Variants in THRB observed in about 807,000 individuals in gnomAD.
THRB encodes the protein nuclear receptor subfamily 1 group A member 2.
THRB carries 12 observed loss-of-function variants against 47.8 expected under a neutral mutation model. The observed-to-expected ratio is 0.25, with a 90% confidence interval of 0.16 to 0.41. The LOEUF (loss-of-function observed/expected upper bound fraction) is 0.41. THRB is among the 10% of genes least tolerant of loss of function. The probability of loss-of-function intolerance (pLI) is 1.00; values close to 1 mark genes in which losing one functional copy is unlikely to be tolerated. For missense variants in THRB, 348 were observed against 589.2 expected, an observed-to-expected ratio of 0.59 and a Z score of 4.24; for synonymous variants, 218 against 212.2, an observed-to-expected ratio of 1.03 and a Z score of -0.24.
chr3:24,353,081 C>T (rs1021033140), intron 1 of THRB, among the ~76,000 whole-genome samples: 8 of 151,728 alleles, frequency 5.3e-5, no homozygotes, highest in Non-Finnish European at 1.2e-4. Flanking sequence ...AGACTGAACA[C>T]AAGAGTGAAT....
At chr3:24,284,680 C>T (rs951939340) in intron 3 of THRB, among the ~76,000 whole-genome samples, 2 of 149,318 alleles carry the variant, frequency 1.3e-5, no homozygotes, top group Non-Finnish European at 2.9e-5. Flanking sequence ...GCAACCTACT[C>T]ATCTGACAAA....
At chr3:24,431,652 A>G (rs2070436831) in intron 1 of THRB, among the ~76,000 whole-genome samples, 1 of 152,132 alleles carries the variant, frequency 6.6e-6, no homozygotes, top group East Asian at 1.9e-4. Context: ...TTAACTCAAC[A>G]TGAACCAAAG....
At chr3:24,165,521 A>T (rs2149290516) in intron 5 of THRB, 1 of 579,086 alleles carries the variant, frequency 1.7e-6, no homozygotes, top group African/African-American at 1.9e-5. Context: ...ACAGCAACCC[A>T]GCCTGCTTTA....
At chr3:24,348,511 A>G (rs1470169263) in intron 1 of THRB, 1 of 152,144 alleles carries the variant, frequency 6.6e-6, no homozygotes, top group African/African-American at 2.4e-5. Context: ...CACAGTTTGT[A>G]GGTCCTCACT....
At chr3:24,341,417 A>C (rs2149461736) in intron 1 of THRB, among the ~76,000 whole-genome samples, 1 of 151,746 alleles carries the variant, frequency 6.6e-6, no homozygotes, top group Admixed American at 6.6e-5. Context: ...TTTTGTAGAG[A>C]TGGGGTTTTG....
intron 1 of THRB, among the ~76,000 whole-genome samples, chr3:24,474,522 A>G (rs907226089): frequency 6.6e-6 from 1 of 152,198 alleles, no homozygotes. Flanking sequence ...AGTTGGCATA[A>G]AACTATTTGC....
At chr3:24,416,340 T>C (rs1435522048) in intron 1 of THRB, among the ~76,000 whole-genome samples, 1 of 151,670 alleles carries the variant, frequency 6.6e-6, no homozygotes, top group Non-Finnish European at 1.5e-5. Context: ...CAGGGCAATA[T>C]GTGTAAATGG....
intron 3 of THRB, among the ~76,000 whole-genome samples, chr3:24,252,028 G>C (rs956792790): frequency 1.3e-4 from 20 of 152,222 alleles, no homozygotes; most frequent in African/African-American, 4.6e-4. Flanking sequence ...CTGCTAATCA[G>C]AGTAATAAGT....
intron 1 of THRB, among the ~76,000 whole-genome samples, chr3:24,363,374 A>G (rs2149671641): frequency 6.6e-6 from 1 of 152,278 alleles, no homozygotes; most frequent in East Asian, 1.9e-4. Context: ...TCATCCAAGA[A>G]TAAATCAGAT....
chr3:24,176,080 G>A (rs1234146236), intron 5 of THRB, among the ~76,000 whole-genome samples: 1 of 152,090 alleles, frequency 6.6e-6, no homozygotes, highest in Non-Finnish European at 1.5e-5. Context: ...TTTTTCCAAA[G>A]ATGTGCTTAA....
chr3:24,260,451 A>G (rs1420343860), intron 3 of THRB, among the ~76,000 whole-genome samples: 1 of 152,224 alleles, frequency 6.6e-6, no homozygotes, highest in African/African-American at 2.4e-5. Context: ...TACAATTTCC[A>G]TGCTGGAAAG....
intron 9 of THRB, among the ~76,000 whole-genome samples, chr3:24,131,517 G>A (rs2033860640): frequency 6.6e-6 from 1 of 152,166 alleles, no homozygotes; most frequent in Admixed American, 6.5e-5. Flanking sequence ...AGCATATCAG[G>A]TACCCTGGTG....
intron 1 of THRB, among the ~76,000 whole-genome samples, chr3:24,347,768 A>C (rs1317354128): frequency 6.6e-6 from 1 of 152,008 alleles, no homozygotes; most frequent in Non-Finnish European, 1.5e-5. Context: ...ACCTTACTCA[A>C]ACAGGAAAAA....
At chr3:24,394,024 T>C (rs986820025) in intron 1 of THRB, among the ~76,000 whole-genome samples, 2 of 152,102 alleles carry the variant, frequency 1.3e-5, no homozygotes, top group African/African-American at 4.8e-5. Context: ...AATCCCACAA[T>C]GATCTTCAAT....
At chr3:24,454,143 G>A (rs1384856096) in intron 1 of THRB, among the ~76,000 whole-genome samples, 1 of 152,076 alleles carries the variant, frequency 6.6e-6, no homozygotes, top group Non-Finnish European at 1.5e-5. Context: ...TTTAAAAACA[G>A]GCAAAGGATC....
At chr3:24,166,541 G>A (rs1241640107) in intron 5 of THRB, among the ~76,000 whole-genome samples, 1 of 152,130 alleles carries the variant, frequency 6.6e-6, no homozygotes, top group Non-Finnish European at 1.5e-5. Context: ...TACCAAATTA[G>A]ATTGTGAATG....
rs746323691 is a variant in THRB at position 24,481,229 on chromosome 3, G to GTTTTTTTTTTTTT, written c.-261+13410_-261+13422dup. ...TATATGTGTGGATGCGTTTCTTTCT[G>GTTTTTTTTTTTTT]TTTTTTTTTTTTTTTTTTTTTTTTT... On this transcript the variant is annotated intron_variant, in intron 1 of 10. Coordinates refer to ENST00000646209, the MANE Select transcript of THRB (RefSeq NM_001354712.2). 4.3e-4 allele frequency among the ~76,000 whole-genome samples: 24 copies of GTTTTTTTTTTTTT among 55,366 alleles called. 1 individual carries two copies. The highest frequency in any genetic ancestry group is 1.5e-3 in the African/African-American group (19 of 13,076). The allele number at this position is 55,366 out of a possible 152,430, so 36.3% of individuals were successfully genotyped here.
intron 9 of THRB, among the ~76,000 whole-genome samples, chr3:24,132,561 T>C (rs765866412): frequency 9.9e-5 from 15 of 152,230 alleles, no homozygotes; most frequent in Middle Eastern, 3.2e-3. Context: ...TTTGAAGACA[T>C]TGGGTAACTT....
At chr3:24,165,308 C>T (rs1298909608) in intron 5 of THRB, 2 of 764,956 alleles carry the variant, frequency 2.6e-6, no homozygotes, top group East Asian at 2.4e-5. Context: ...GCAATTGCTG[C>T]CGGCAGCTGG....
Sources: allele counts gnomAD v4.1 joint callset (sites outside exome capture counted in the v4.1 genomes callset), GRCh38; gene constraint gnomAD v4.1.1; transcripts MANE v1.5; gene names NCBI Gene and HGNC (gene_info 2026-07-23, HGNC 2026-07-21).